Variants in SBF2 observed in about 807,000 individuals in gnomAD.
SBF2 encodes SET binding factor 2, also known as myotubularin-related protein 13.
Under a neutral mutation model 225.2 loss-of-function variants are expected in SBF2, and 112 were observed. The ratio of observed to expected loss-of-function variants is 0.50; its 90% CI spans 0.43 to 0.58. The LOEUF (loss-of-function observed/expected upper bound fraction) is 0.58. Ranked by LOEUF, SBF2 falls within the 20% of genes least tolerant of loss-of-function variation. SBF2 has a pLI of 0.00. For synonymous variants in SBF2, 763 were observed against 773.3 expected (o/e 0.99, Z 0.22); for missense variants, 1,996 against 2,206.2 (o/e 0.90, Z 1.91).
chr11:10,193,408 G>T (rs938576734), intron 2 of SBF2, among the ~76,000 whole-genome samples: 1 of 141,488 alleles, frequency 7.1e-6, no homozygotes, highest in East Asian at 2.1e-4. Context: ...AGGCTAGAGC[G>T]CAGTGGCACG....
At chr11:10,063,720 A>G (rs1370890911) in intron 2 of SBF2, among the ~76,000 whole-genome samples, 1 of 152,064 alleles carries the variant, frequency 6.6e-6, no homozygotes, top group Non-Finnish European at 1.5e-5. Context: ...GACAAAAACC[A>G]TAATGTCTGA....
intron 6 of SBF2, among the ~76,000 whole-genome samples, chr11:10,027,151 C>A (rs1949084264): frequency 1.3e-5 from 2 of 152,054 alleles, no homozygotes; most frequent in Admixed American, 1.3e-4. Context: ...TTGTTATTAA[C>A]TGTAGTCACC....
At chr11:9,953,970 A>C (rs773537562) in intron 16 of SBF2, among the ~76,000 whole-genome samples, 40 of 152,288 alleles carry the variant, frequency 2.6e-4, no homozygotes, top group Non-Finnish European at 5.0e-4. Context: ...AAAAAGCTTT[A>C]ATTGTATATT....
At chr11:9,973,800 G>T (rs1206823545) in intron 13 of SBF2, among the ~76,000 whole-genome samples, 3 of 152,082 alleles carry the variant, frequency 2.0e-5, no homozygotes, top group Admixed American at 2.0e-4. Flanking sequence ...AACCCCAATG[G>T]AAATTCAAAG....
chr11:9,787,770 A>G, intron 35 of SBF2, 32 bp from the exon 36 acceptor site: 6 of 1,587,710 alleles, frequency 3.8e-6, no homozygotes, highest in Non-Finnish European at 5.2e-6. Flanking sequence ...TCTGATCAGT[A>G]TTTCATAGAA....
At chr11:9,881,198 T>C (rs1217414661) in intron 17 of SBF2, among the ~76,000 whole-genome samples, 3 of 152,192 alleles carry the variant, frequency 2.0e-5, no homozygotes, top group African/African-American at 4.8e-5. Flanking sequence ...ATGAACCGAA[T>C]GAGTGATTAA....
chr11:10,093,410 C>A (rs1017751579), intron 2 of SBF2, among the ~76,000 whole-genome samples: 5 of 150,308 alleles, frequency 3.3e-5, no homozygotes, highest in African/African-American at 1.2e-4. Flanking sequence ...AAAAAAATTT[C>A]TTCCAATCTT....
rs553087716 is a variant in SBF2, at chr11:10,031,812, A to G, written c.280-642T>C. 1.2e-4 allele frequency among the ~76,000 whole-genome samples: 19 copies of G among 152,304 alleles called. No homozygotes were observed. The South Asian group carries it at 3.7e-3, about 30-fold the overall frequency. ...GGCTGGAGGGCAGTGGCACAATCACAGTGCACTGCAGCCTCAACTTTCTGG... is the reference window on the plus strand; with the variant it reads ...GGCTGGAGGGCAGTGGCACAATCACGGTGCACTGCAGCCTCAACTTTCTGG... On this transcript the variant is annotated intron_variant, in intron 3 of 39. Coordinates refer to ENST00000256190, the MANE Select transcript of SBF2 (RefSeq NM_030962.4).
At chr11:10,010,897 GTCCTC>G (rs776626386) in intron 6 of SBF2, among the ~76,000 whole-genome samples, 19 of 152,024 alleles carry the variant, frequency 1.2e-4, no homozygotes, top group African/African-American at 4.1e-4. Context: ...ATTTGTTTTT[GTCCTC>G]TCCTATGTCC....
intron 2 of SBF2, among the ~76,000 whole-genome samples, chr11:10,129,815 G>A (rs1467975361): frequency 6.6e-6 from 1 of 151,992 alleles, no homozygotes; most frequent in Non-Finnish European, 1.5e-5. Flanking sequence ...ACCAGCCAGG[G>A]CAACATAGCG....
chr11:10,270,079 C>A (rs1841310683), intron 1 of SBF2, among the ~76,000 whole-genome samples: 1 of 152,066 alleles, frequency 6.6e-6, no homozygotes, highest in African/African-American at 2.4e-5. Context: ...ATTATCTAAC[C>A]ATGAGATTAA....
intron 2 of SBF2, among the ~76,000 whole-genome samples, chr11:10,159,124 T>G (rs1262376184): frequency 6.6e-6 from 1 of 152,232 alleles, no homozygotes; most frequent in East Asian, 1.9e-4. Flanking sequence ...AAATTATGAC[T>G]GAGACAGTGA....
At chr11:10,179,503 T>A (rs1305782067) in intron 2 of SBF2, among the ~76,000 whole-genome samples, 1 of 152,166 alleles carries the variant, frequency 6.6e-6, no homozygotes, top group East Asian at 1.9e-4. Flanking sequence ...CTGTAGCTGC[T>A]GGATGAAATG....
At chr11:9,974,972 AAAAAAAAAAAAAAAAAG>A (rs1489611969) in intron 13 of SBF2, among the ~76,000 whole-genome samples, 2,172 of 111,602 alleles carry the variant, frequency 0.019, 63 homozygotes, top group African/African-American at 0.054. Flanking sequence ...AAAAAAAAAA[AAAAAAAAAAAAAAAAAG>A]AAAAAAAGAA....
chr11:10,144,486 T>G (rs1349157990), intron 2 of SBF2, among the ~76,000 whole-genome samples: 1 of 145,910 alleles, frequency 6.9e-6, no homozygotes, highest in Non-Finnish European at 1.6e-5. Flanking sequence ...AGACCCTATC[T>G]CAAAATAAAA....
intron 6 of SBF2, among the ~76,000 whole-genome samples, chr11:10,013,885 CTCAT>C (rs145187504): frequency 1.1e-4 from 17 of 152,148 alleles, no homozygotes; most frequent in East Asian, 1.9e-4. Context: ...TACTTACTTG[CTCAT>C]TCATTCATTC....
chr11:10,237,989 C>A (rs1219374211), intron 1 of SBF2, among the ~76,000 whole-genome samples: 1 of 152,156 alleles, frequency 6.6e-6, no homozygotes, highest in Non-Finnish European at 1.5e-5. Flanking sequence ...AATAAAGCTA[C>A]TACGAACATC....
intron 1 of SBF2, among the ~76,000 whole-genome samples, chr11:10,201,856 AG>A (rs1957581301): frequency 6.6e-6 from 1 of 152,236 alleles, no homozygotes; most frequent in South Asian, 2.1e-4. Flanking sequence ...ACTGGGTGAC[AG>A]AACGAGACTT....
At chr11:10,101,989 C>G (rs907397670) in intron 2 of SBF2, among the ~76,000 whole-genome samples, 3 of 152,022 alleles carry the variant, frequency 2.0e-5, no homozygotes, top group Non-Finnish European at 4.4e-5. Flanking sequence ...AGAGCTTAAC[C>G]TTGTGACCAT....
Sources: allele counts gnomAD v4.1 joint callset (sites outside exome capture counted in the v4.1 genomes callset), GRCh38; gene constraint gnomAD v4.1.1; transcripts MANE v1.5; gene names NCBI Gene and HGNC (gene_info 2026-07-23, HGNC 2026-07-21).